The following KCTD1 variants were observed in gnomAD, a reference collection of about 807,000 sequenced individuals.
The protein encoded by KCTD1 is potassium channel tetramerization domain containing 1.
In KCTD1, 24 loss-of-function variants were observed where a neutral mutation model predicts 66.0. The ratio of observed to expected loss-of-function variants is 0.36; its 90% CI spans 0.26 to 0.51. The LOEUF (loss-of-function observed/expected upper bound fraction) is 0.51. KCTD1 is among the 20% of genes least tolerant of loss of function. The pLI is 0.95. For synonymous variants in KCTD1, 511 were observed against 517.2 expected (o/e 0.99, Z 0.16); for missense variants, 943 against 1,205.2 (o/e 0.78, Z 3.22).
chr18:26,609,622 C>T (rs1191939411), intron 1 of KCTD1, among the ~76,000 whole-genome samples: 5 of 152,098 alleles, frequency 3.3e-5, no homozygotes, highest in Non-Finnish European at 7.4e-5. Flanking sequence ...ATGTGGAAAC[C>T]CTGCCTTTGA....
At chr18:26,609,281 T>C (rs1306939407) in intron 1 of KCTD1, among the ~76,000 whole-genome samples, 1 of 152,144 alleles carries the variant, frequency 6.6e-6, no homozygotes, top group African/African-American at 2.4e-5. Context: ...TTAATGAAAA[T>C]AGTAAACATC....
intron 1 of KCTD1, chr18:26,575,464 T>G (rs1357634573): frequency 6.6e-6 from 1 of 152,164 alleles, no homozygotes; most frequent in African/African-American, 2.4e-5. Flanking sequence ...ACGGGGCGGT[T>G]TCTAACTTTC....
At chr18:26,526,608 G>A (rs1984173490) in intron 1 of KCTD1, among the ~76,000 whole-genome samples, 3 of 152,190 alleles carry the variant, frequency 2.0e-5, no homozygotes, top group Non-Finnish European at 1.5e-5. Context: ...AAATCAGAAA[G>A]AGCAAAAGTC....
upstream of KCTD1, chr18:26,549,932 C>T (rs1985486094): frequency 5.1e-6 from 2 of 393,500 alleles, no homozygotes; most frequent in Admixed American, 6.4e-5. Context: ...CCGCCTCCCG[C>T]TCTCCCGGCC....
At chr18:26,491,514 T>C (rs1049547783) in intron 2 of KCTD1, among the ~76,000 whole-genome samples, 13 of 152,220 alleles carry the variant, frequency 8.5e-5, no homozygotes, top group African/African-American at 2.9e-4. Flanking sequence ...AGAAAAGGAC[T>C]TCAGAAACCC....
chr18:26,561,685 C>G (rs930156668), intron 1 of KCTD1, among the ~76,000 whole-genome samples: 2 of 152,244 alleles, frequency 1.3e-5, no homozygotes, highest in Admixed American at 1.3e-4. Context: ...TGGTCTGTCA[C>G]ATGACCAGCA....
At chr18:26,589,659 A>T (rs982217768) in intron 1 of KCTD1, among the ~76,000 whole-genome samples, 2 of 152,018 alleles carry the variant, frequency 1.3e-5, no homozygotes, top group Non-Finnish European at 2.9e-5. Context: ...TGCTAACAGA[A>T]CCCCATTTTT....
At chr18:26,522,608 C>T (rs1233097174) in intron 1 of KCTD1, among the ~76,000 whole-genome samples, 1 of 152,068 alleles carries the variant, frequency 6.6e-6, no homozygotes, top group Non-Finnish European at 1.5e-5. Flanking sequence ...ACACTTCAAC[C>T]AACTGTAACT....
chr18:26,496,148 G>A (rs895420703), intron 2 of KCTD1, among the ~76,000 whole-genome samples: 1 of 152,022 alleles, frequency 6.6e-6, no homozygotes, highest in African/African-American at 2.4e-5. Context: ...TTAATAAAGG[G>A]TGCCTTGGAT....
intron 1 of KCTD1, among the ~76,000 whole-genome samples, chr18:26,513,577 G>A (rs932724723): frequency 6.6e-6 from 1 of 152,302 alleles, no homozygotes; most frequent in African/African-American, 2.4e-5. Flanking sequence ...ACATAGAGAC[G>A]AAGTTTTAGC....
intron 1 of KCTD1, among the ~76,000 whole-genome samples, chr18:26,536,232 C>T (rs960680495): frequency 6.6e-6 from 1 of 152,158 alleles, no homozygotes; most frequent in Admixed American, 6.5e-5. Context: ...AACATGTGAA[C>T]TATGACAGGG....
chr18:26,591,152 TG>T (rs1459555221), intron 1 of KCTD1, among the ~76,000 whole-genome samples: 4 of 152,026 alleles, frequency 2.6e-5, no homozygotes, highest in African/African-American at 9.7e-5. Flanking sequence ...CAGCCTCCCA[TG>T]CAGCTGAAAC....
intron 1 of KCTD1, among the ~76,000 whole-genome samples, chr18:26,569,711 G>T (rs751296795): frequency 6.6e-6 from 1 of 152,262 alleles, no homozygotes; most frequent in Middle Eastern, 3.4e-3. Flanking sequence ...CTCACCTCGG[G>T]TTATGAAATA....
chr18:26,563,632 G>A (rs1223598718), intron 1 of KCTD1, among the ~76,000 whole-genome samples: 1 of 152,220 alleles, frequency 6.6e-6, no homozygotes, highest in East Asian at 1.9e-4. Flanking sequence ...AGTGGCGAGT[G>A]TATGGGCTCT....
chr18:26,613,546 T>C (rs779509226), intron 1 of KCTD1, among the ~76,000 whole-genome samples: 2 of 152,116 alleles, frequency 1.3e-5, no homozygotes, highest in Non-Finnish European at 2.9e-5. Context: ...CATTTTTTGG[T>C]TTCATTCTGG....
chr18:26,642,490 T>C (rs1987851430), upstream of KCTD1, among the ~76,000 whole-genome samples: 2 of 152,236 alleles, frequency 1.3e-5, no homozygotes, highest in South Asian at 4.1e-4. Context: ...ATTTTGATTT[T>C]TAGTTCTGCT....
In KCTD1 at chr18:26,624,574, A is replaced by G. The variant is rs557157823; in HGVS notation, c.-16+4573T>C. Among the ~76,000 whole-genome samples, 5 of 152,364 alleles carry G rather than the reference A, an allele frequency of 3.3e-5. No individual in the cohort carries two copies. The South Asian group carries it at 1.0e-3, about 32-fold the overall frequency. ...GTGGGTACACAGAAGTCAAGAACTG[A>G]GGTCTGGGAACCTCCACCTAGATTT... On this transcript the variant is annotated intron_variant, in intron 1 of 4. Coordinates refer to the KCTD1 transcript ENST00000317932.
At chr18:26,622,330 A>C (rs1356924121) in intron 1 of KCTD1, among the ~76,000 whole-genome samples, 2 of 152,334 alleles carry the variant, frequency 1.3e-5, no homozygotes, top group East Asian at 3.9e-4. Flanking sequence ...CAAGCTCTAC[A>C]TTCTGAGGTT....
chr18:26,562,373 G>A (rs1046036367), intron 1 of KCTD1, among the ~76,000 whole-genome samples: 3 of 141,486 alleles, frequency 2.1e-5, no homozygotes, highest in South Asian at 2.4e-4. Flanking sequence ...CTGGAATTAC[G>A]GGCACACATC....
Sources: gnomAD v4.1 joint callset for allele counts (sites outside exome capture counted in the v4.1 genomes callset) on GRCh38, gnomAD v4.1.1 for gene constraint, MANE v1.5 for transcripts, NCBI Gene and HGNC (gene_info 2026-07-23, HGNC 2026-07-21) for gene names.